The following COL6A3 variants were observed in gnomAD, a reference collection of about 807,000 sequenced individuals.
COL6A3 encodes collagen alpha-3(VI) chain.
COL6A3 carries 137 observed loss-of-function variants against 274.1 expected under a neutral mutation model. That is an observed-to-expected ratio of 0.50 (90% CI 0.44 to 0.58). COL6A3 has a LOEUF of 0.58. Among genes scored for constraint, COL6A3 ranks in the 20% least tolerant of loss-of-function variants. The pLI, the probability that COL6A3 is intolerant of heterozygous loss-of-function variation, is 0.00. For missense variants in COL6A3, 3,950 were observed against 4,124.9 expected, an observed-to-expected ratio of 0.96 and a Z score of 1.16; for synonymous variants, 1,650 against 1,650.6, an observed-to-expected ratio of 1.00 and a Z score of 0.01.
intron 9 of COL6A3, among the ~76,000 whole-genome samples, chr2:237,369,603 G>T (rs764119845): frequency 1.3e-5 from 2 of 152,146 alleles, no homozygotes; most frequent in Non-Finnish European, 2.9e-5. Flanking sequence ...AAAGGTTCTC[G>T]CCTTGTCCAA....
At chr2:237,396,375 A>G (rs73093799) in intron 2 of COL6A3, among the ~76,000 whole-genome samples, 3,639 of 152,248 alleles carry the variant, frequency 0.024, 165 homozygotes, top group African/African-American at 0.083. Flanking sequence ...ACTTCTCCCT[A>G]CTTTATGTGC....
Position 237,412,495 on chromosome 2 carries a change from G to A in COL6A3, c.-31+1458C>T, listed in dbSNP as rs561430242. Reference sequence around the variant, plus strand: ...CTCCCTGGCCTGGGCAAGGAATTCCGCATCTCAGAGCCCCTGGTTGCTCAT... The same window carrying A: ...CTCCCTGGCCTGGGCAAGGAATTCCACATCTCAGAGCCCCTGGTTGCTCAT... On this transcript the variant is annotated intron_variant, in intron 1 of 43. Coordinates refer to ENST00000295550, the MANE Select transcript of COL6A3 (RefSeq NM_004369.4). Among the ~76,000 whole-genome samples the A allele has an allele frequency of 1.6e-4, 25 of 152,286 alleles. No homozygotes were observed. The East Asian group carries it at 2.7e-3, about 16-fold the overall frequency.
In COL6A3 at chr2:237,363,358, G is replaced by A. The variant is rs141524902; in HGVS notation, c.5958C>T (p.Val1986=). Residue 1986 remains valine (V), a synonymous_variant, in exon 14 of 44, where the codon GTC becomes GTT. Transcript: ENST00000295550. ...ALILVGLERV[V]NLERLMHLEF... is the part of the protein sequence containing the mutation. The stretch of plus-strand genomic sequence containing the variant: ...CCAGATGCATTAGCCGCTCCAAGTT[G>A]ACCACTCGTTCAAGGCCCACCAGGA... The A allele has an allele frequency of 6.2e-7, 1 of 1,613,980 alleles. No individual in the cohort carries two copies. Among genetic ancestry groups the A allele is most frequent in the African/African-American group, 1.3e-5 (1 of 74,896 alleles).
chr2:237,387,428 T>C (rs1331501034), intron 4 of COL6A3, among the ~76,000 whole-genome samples, 154 bp downstream of exon 4: 1 of 152,200 alleles, frequency 6.6e-6, no homozygotes, highest in Non-Finnish European at 1.5e-5. Flanking sequence ...ATCACAAACA[T>C]GACATCCAGG....
At chr2:237,397,679 A>G (rs1280779336) in intron 1 of COL6A3, among the ~76,000 whole-genome samples, 1 of 152,246 alleles carries the variant, frequency 6.6e-6, no homozygotes, top group Non-Finnish European at 1.5e-5. Flanking sequence ...ACATAGTTCA[A>G]AGAACACAAT....
At chr2:237,410,092 T>C (rs756513314) in intron 1 of COL6A3, among the ~76,000 whole-genome samples, 2 of 152,104 alleles carry the variant, frequency 1.3e-5, no homozygotes, top group Non-Finnish European at 2.9e-5. Context: ...TGTATTGAAA[T>C]ATCAGTCCTA....
intron 42 of COL6A3, chr2:237,333,169 A>G: frequency 2.0e-6 from 1 of 494,932 alleles, no homozygotes. Flanking sequence ...TCCCAGTATG[A>G]GGCACAGGAG....
Position 237,361,614 on chromosome 2 carries a change from T to TAAG in COL6A3, c.6156+122_6156+124dup. 1 of 939,654 alleles carries TAAG rather than the reference T, an allele frequency of 1.1e-6. No homozygotes were observed. The highest frequency in any genetic ancestry group is 2.4e-5 in the East Asian group (1 of 41,492). 58.2% of individuals were successfully genotyped at this position (939,654 alleles called of 1,614,324 possible). On this transcript the variant is annotated intron_variant, in intron 15 of 43. Transcript: ENST00000295550. This position sits in a 1 kb window ranked among gnomAD's most constrained non-coding sequence, Gnocchi z 5.1. ...CCCCTCAGAGCTCCTCCTTCTAACA[T>TAAG]AAGAAATGGTCTCTCGTCTCCTCCT... is the stretch of plus-strand genomic sequence containing the variant.
At position 237,413,973 on chromosome 2, in the gene COL6A3, G is replaced by C. The variant is rs988708223; in HGVS notation, c.-51C>G. 11 of 152,322 alleles carry C rather than the reference G, an allele frequency of 7.2e-5. No individual in the cohort carries two copies. Among genetic ancestry groups the C allele is most frequent in the African/African-American group, 2.6e-4 (11 of 41,560 alleles). The allele number at this position is 152,322 out of a possible 1,614,324, so 9.4% of individuals were successfully genotyped here. On this transcript the variant is annotated 5_prime_UTR_variant, in exon 1 of 44. Transcript: ENST00000295550. This position sits in a 1 kb window ranked among gnomAD's most constrained non-coding sequence, Gnocchi z 4.0. Reference sequence around the variant, plus strand: ...CTTACCCCTGAGCAAACCTGAAGGCGTGTGTCCCTGGGCTCCTCGATTCAA... The same window carrying C: ...CTTACCCCTGAGCAAACCTGAAGGCCTGTGTCCCTGGGCTCCTCGATTCAA...
At chr2:237,353,689 C>T (rs1374871202) in intron 24 of COL6A3, among the ~76,000 whole-genome samples, 1 of 152,154 alleles carries the variant, frequency 6.6e-6, no homozygotes, top group Non-Finnish European at 1.5e-5. Context: ...GACCGAGACA[C>T]CGGGAAGTTG....
At position 237,363,307 on chromosome 2, in the gene COL6A3, G is replaced by A. The variant is rs1396635150; in HGVS notation, c.6009C>T (p.Asp2003=). The change falls in exon 14 of 44, where the codon GAC becomes GAT. Residue 2003 remains aspartate, a synonymous_variant. Coordinates refer to ENST00000295550, the MANE Select transcript of COL6A3 (RefSeq NM_004369.4). ...CCAGCAAGTTAAGCCTCAGGGGCCTGTCATACATAAACCCTCGCCCAAACT... is the reference window on the plus strand; with the variant it reads ...CCAGCAAGTTAAGCCTCAGGGGCCTATCATACATAAACCCTCGCCCAAACT... ...HLEFGRGFMY[D]RPLRLNLLDL... is the part of the protein sequence containing the mutation. The A allele has an allele frequency of 1.9e-6, 3 of 1,614,002 alleles. No homozygotes were observed. Among genetic ancestry groups the A allele is most frequent in the African/African-American group, 1.3e-5 (1 of 74,880 alleles).
intron 1 of COL6A3, among the ~76,000 whole-genome samples, chr2:237,402,714 A>G (rs1333367475): frequency 6.6e-6 from 1 of 152,204 alleles, no homozygotes; most frequent in African/African-American, 2.4e-5. Flanking sequence ...TGAAAGTGGG[A>G]AAGAATCTAA....
At chr2:237,388,866 A>G (rs1229273462) in intron 3 of COL6A3, among the ~76,000 whole-genome samples, 2 of 152,164 alleles carry the variant, frequency 1.3e-5, no homozygotes, top group Admixed American at 6.5e-5. Context: ...TTTTTTCTCA[A>G]ATGATGTTTA....
rs1322123540 is a variant in COL6A3 at position 237,368,880 on chromosome 2, A to G, written c.4583T>C (p.Phe1528Ser). ...KALEFVARNL[F>S]VKSAGSRIED... ...TATGCGACTCCCCGCAGACTTAACAAAGAGGTTTCTTGCCACAAATTCGAG... is the reference window on the plus strand; with the variant it reads ...TATGCGACTCCCCGCAGACTTAACAGAGAGGTTTCTTGCCACAAATTCGAG... Residue 1528 changes from phenylalanine to serine, a missense_variant, in exon 10 of 44, where the codon TTT (phenylalanine) becomes TCT (serine). Around this residue, in one of 5 missense-constraint regions of COL6A3, gnomAD observed 1,934 missense variants for 1,984.3 expected, o/e 0.97. Coordinates refer to ENST00000295550, the MANE Select transcript of COL6A3 (RefSeq NM_004369.4). The surrounding 1 kb of genome is among the most constrained non-coding windows in gnomAD (Gnocchi z 4.4). The G allele has an allele frequency of 6.2e-6, 10 of 1,614,154 alleles. No homozygotes were observed. The highest frequency in any genetic ancestry group is 7.6e-6 in the Non-Finnish European group (9 of 1,180,014).
In COL6A3 at chr2:237,344,936, C is replaced by A. The variant is rs777424537; in HGVS notation, c.7174+5G>T. On this transcript the variant is annotated splice_donor_5th_base_variant and intron_variant, in intron 35 of 43. Transcript: ENST00000295550. The surrounding 1 kb of genome is among the most constrained non-coding windows in gnomAD (Gnocchi z 4.8). ...CTTAGGAGAAAGTCACCAAAATCAA[C>A]TTACCGTAACAGCAAGCTAGAAAAG... The A allele has an allele frequency of 3.1e-6, 5 of 1,614,108 alleles. No homozygotes were observed. In the East Asian group the frequency reaches 1.1e-4, roughly 36 times the overall value.
chr2:237,351,071 G>C (rs990631456), intron 27 of COL6A3, 59 bp downstream of exon 27: 14 of 1,499,070 alleles, frequency 9.3e-6, no homozygotes, highest in Non-Finnish European at 1.3e-5. Context: ...GAGGGAGAGG[G>C]GCATGTGTGC....
chr2:237,385,504 A>T (rs2078122008), intron 4 of COL6A3, among the ~76,000 whole-genome samples: 1 of 152,192 alleles, frequency 6.6e-6, no homozygotes. Context: ...ATCGAAACCC[A>T]GAGAGGTTGC....
chr2:237,324,590 C>T lies in COL6A3; in HGVS notation c.*184G>A. On this transcript the variant is annotated 3_prime_UTR_variant, in exon 44 of 44. Transcript: ENST00000295550. ...TGCCTGGAGACAGAGAGCGAGGGTC[C>T]ACAGACACATTAGCACCATACTGAT... 1.6e-6 allele frequency: 1 copy of T among 634,056 alleles called. No individual in the cohort carries two copies. The highest frequency in any genetic ancestry group is 1.8e-5 in the South Asian group (1 of 56,106). The allele number at this position is 634,056 out of a possible 1,614,324, so 39.3% of individuals were successfully genotyped here.
At chr2:237,330,643 T>C (rs998507984) in intron 42 of COL6A3, among the ~76,000 whole-genome samples, 2 of 151,636 alleles carry the variant, frequency 1.3e-5, no homozygotes, top group Non-Finnish European at 2.9e-5. Context: ...AAGGCGAGAG[T>C]CTCCCTGCCA....
Sources: gnomAD v4.1 joint callset for allele counts (sites outside exome capture counted in the v4.1 genomes callset) on GRCh38, gnomAD v4.1.1 for gene constraint, gnomAD v4.1.1 regional missense constraint, Gnocchi (gnomAD v3.1) non-coding constraint, MANE v1.5 for transcripts, NCBI Gene and HGNC (gene_info 2026-07-23, HGNC 2026-07-21) for gene names.